DENND5A: variants seen among roughly 807,000 people sequenced by gnomAD.
DENND5A encodes DENN domain containing 5A, also known as DENN domain-containing protein 5A.
In DENND5A, 64 loss-of-function variants were observed where a neutral mutation model predicts 140.3. That is an observed-to-expected ratio of 0.46 (90% CI 0.37 to 0.56). The LOEUF is 0.56. Among genes scored for constraint, DENND5A ranks in the 20% least tolerant of loss-of-function variants. The probability of loss-of-function intolerance (pLI) is 0.00; values close to 1 mark genes in which losing one functional copy is unlikely to be tolerated. For synonymous variants in DENND5A, 605 were observed against 607.7 expected, an observed-to-expected ratio of 1.00 and a Z score of 0.07; for missense variants, 1,292 against 1,593.8, an observed-to-expected ratio of 0.81 and a Z score of 3.22.
intron 5 of DENND5A, among the ~76,000 whole-genome samples, chr11:9,189,025 G>A (rs967884246): frequency 6.6e-6 from 1 of 152,206 alleles, no homozygotes; most frequent in Non-Finnish European, 1.5e-5. Context: ...TTACAGGCCT[G>A]GGGGCCTAGG....
intron 1 of DENND5A, among the ~76,000 whole-genome samples, chr11:9,258,176 T>G (rs1047346744): frequency 2.0e-5 from 3 of 152,040 alleles, no homozygotes; most frequent in African/African-American, 7.3e-5. Context: ...AACATACAGT[T>G]TTGTTACATA....
At chr11:9,178,101 G>T in intron 8 of DENND5A, 31 bp downstream of exon 8, 1 of 1,415,700 alleles carries the variant, frequency 7.1e-7, no homozygotes, top group Non-Finnish European at 1.0e-6. Context: ...AATCCAAGAG[G>T]CCTGAATGTA....
At chr11:9,247,648 C>CT (rs1851536102) in intron 1 of DENND5A, among the ~76,000 whole-genome samples, 1 of 151,952 alleles carries the variant, frequency 6.6e-6, no homozygotes, top group Admixed American at 6.6e-5. Context: ...AGTCTCAACA[C>CT]GTTCTTGTGC....
At chr11:9,180,696 C>T (rs1848697115) in intron 6 of DENND5A, 71 bp downstream of exon 6, 1 of 1,474,902 alleles carries the variant, frequency 6.8e-7, no homozygotes, top group South Asian at 1.3e-5. Context: ...TTTCTCATCC[C>T]ATACCTTACT....
intron 1 of DENND5A, among the ~76,000 whole-genome samples, chr11:9,250,826 G>T (rs577710630): frequency 6.6e-6 from 1 of 152,046 alleles, no homozygotes; most frequent in Non-Finnish European, 1.5e-5. Flanking sequence ...TGGCCAACTG[G>T]AATAGTTTAG....
intron 1 of DENND5A, among the ~76,000 whole-genome samples, chr11:9,224,387 C>T (rs1417549958): frequency 3.3e-5 from 5 of 152,152 alleles, no homozygotes; most frequent in Non-Finnish European, 5.9e-5. Flanking sequence ...GCCAACATTC[C>T]TAGTCTCACC....
At chr11:9,145,289 G>T in intron 17 of DENND5A, 176 bp from the exon 18 acceptor site, 1 of 602,168 alleles carries the variant, frequency 1.7e-6, no homozygotes, top group Non-Finnish European at 2.9e-6. Flanking sequence ...TCATGGGGGT[G>T]CCCAAGGCTG....
At chr11:9,143,997 T>C (rs1847334190) in intron 19 of DENND5A, 100 bp downstream of exon 19, 17 of 1,393,864 alleles carry the variant, frequency 1.2e-5, no homozygotes, top group Non-Finnish European at 1.5e-5. Flanking sequence ...CTGAGGCAGC[T>C]GCACAGGCTG....
In DENND5A at chr11:9,139,406, C is replaced by T. The variant is rs528109868; in HGVS notation, c.*265G>A. On this transcript the variant is annotated 3_prime_UTR_variant, in exon 23 of 23. Transcript: ENST00000328194. ...TCAGGCTTCCAGCATGTGGCCACGGCGAGGGAGGGCACCAGCTTCAAAATA... is the reference window on the plus strand; with the variant it reads ...TCAGGCTTCCAGCATGTGGCCACGGTGAGGGAGGGCACCAGCTTCAAAATA... 1.1e-4 allele frequency: 49 copies of T among 438,784 alleles called. No individual in the cohort carries two copies. The highest frequency in any genetic ancestry group is 4.0e-4 in the South Asian group (14 of 35,314). 27.2% of individuals were successfully genotyped at this position (438,784 alleles called of 1,614,324 possible).
At position 9,184,268 on chromosome 11, in the gene DENND5A, T is replaced by C. The variant is rs1442944186; in HGVS notation, c.1138-3184A>G. Among the ~76,000 whole-genome samples the C allele has an allele frequency of 2.6e-5, 4 of 151,342 alleles. No individual in the cohort carries two copies. In the South Asian group the frequency reaches 6.3e-4, roughly 24 times the overall value. ...CTTGGAAGGCTGAGGCAGGAGAATG[T>C]CATGAACCTCGGAGGCGGAGCTTGC... On this transcript the variant is annotated intron_variant, in intron 5 of 22. Transcript: ENST00000328194.
At chr11:9,263,473 C>A (rs1236424919) in intron 1 of DENND5A, among the ~76,000 whole-genome samples, 1 of 151,582 alleles carries the variant, frequency 6.6e-6, no homozygotes, top group Non-Finnish European at 1.5e-5. Context: ...CCGCCCGCCT[C>A]GGCCTCCCAA....
chr11:9,143,495 A>G lies in DENND5A; in HGVS notation c.3305-10T>C, dbSNP rs764869001. 17 of 1,611,546 alleles carry G rather than the reference A, an allele frequency of 1.1e-5. No homozygotes were observed. Among genetic ancestry groups the G allele is most frequent in the Non-Finnish European group, 1.4e-5 (17 of 1,177,700 alleles). On this transcript the variant is annotated splice_polypyrimidine_tract_variant and intron_variant, in intron 19 of 22. Transcript: ENST00000328194. Reference sequence around the variant, plus strand: ...TGCCCAGTGTTCAGCTCTAATAAAAATCAAGCAGACATCCCTAACCAATCT... The same window carrying G: ...TGCCCAGTGTTCAGCTCTAATAAAAGTCAAGCAGACATCCCTAACCAATCT...
In DENND5A at chr11:9,180,849, T is replaced by C. The variant is rs1474565948; in HGVS notation, c.1373A>G (p.His458Arg). The change falls in exon 6 of 23, where the codon CAT becomes CGT. Residue 458 changes from histidine to arginine, a missense_variant. Physicochemically the swap from His to Arg is conservative, Grantham distance 29. Coordinates refer to ENST00000328194, the MANE Select transcript of DENND5A (RefSeq NM_015213.4). The part of the protein sequence containing the change: ...RNGNIAGSPL[H>R]SYELLKENET... ...ATTCTCCTTAAGAAGCTCGTAGGAA[T>C]GCAAAGGGGAGCCAGCAATGTTCCC... 9.9e-6 allele frequency: 16 copies of C among 1,614,084 alleles called. No individual in the cohort carries two copies. The highest frequency in any genetic ancestry group is 1.3e-5 in the Non-Finnish European group (15 of 1,180,040).
intron 22 of DENND5A, chr11:9,140,341 G>T (rs147220671): frequency 6.7e-6 from 4 of 595,290 alleles, no homozygotes; most frequent in South Asian, 4.7e-5. Context: ...AAGATCACAT[G>T]GCTAGTAAAT....
intron 12 of DENND5A, among the ~76,000 whole-genome samples, chr11:9,153,975 A>G (rs555504088): frequency 1.3e-5 from 2 of 152,318 alleles, no homozygotes; most frequent in Admixed American, 6.5e-5. Context: ...GTACATCATA[A>G]CCCTTGTTAA....
chr11:9,258,219 G>A (rs1197017630), intron 1 of DENND5A, among the ~76,000 whole-genome samples: 1 of 152,050 alleles, frequency 6.6e-6, no homozygotes, highest in Non-Finnish European at 1.5e-5. Context: ...GTGGTTTGCT[G>A]CACCTGTCAA....
chr11:9,142,086 C>G lies in DENND5A; in HGVS notation c.3534G>C (p.Glu1178Asp), dbSNP rs1326757669. The G allele has an allele frequency of 3.7e-6, 6 of 1,600,278 alleles. No individual in the cohort carries two copies. The highest frequency in any genetic ancestry group is 5.1e-6 in the Non-Finnish European group (6 of 1,173,242). ...GGACTACTTCATTCTTCTCTAATGT[C>G]TCATAATAGGTTTGTGCTTTTTCTG... ...DFLEKAQTYYETLEKNEVVPE... is the reference protein window; with the variant it reads ...DFLEKAQTYYDTLEKNEVVPE... Residue 1178 changes from glutamate (E) to aspartate (D), a missense_variant, in exon 22 of 23, where the codon GAG becomes GAC. Physicochemically the swap from Glu to Asp is conservative, Grantham distance 45. Transcript: ENST00000328194.
intron 1 of DENND5A, among the ~76,000 whole-genome samples, chr11:9,259,823 G>T (rs1189290414): frequency 6.6e-6 from 1 of 152,020 alleles, no homozygotes; most frequent in Non-Finnish European, 1.5e-5. Flanking sequence ...GAGGTAAGGA[G>T]TTCAAGACCA....
intron 1 of DENND5A, among the ~76,000 whole-genome samples, chr11:9,261,691 T>G (rs1164500082): frequency 6.6e-6 from 1 of 150,684 alleles, no homozygotes; most frequent in African/African-American, 2.4e-5. Flanking sequence ...TGAGGCAGAA[T>G]TGCTTGAACC....
Sources: allele counts gnomAD v4.1 joint callset (sites outside exome capture counted in the v4.1 genomes callset), GRCh38; gene constraint gnomAD v4.1.1; transcripts MANE v1.5; gene names NCBI Gene and HGNC (gene_info 2026-07-23, HGNC 2026-07-21).